The following LRMDA variants were observed in gnomAD, a reference collection of about 807,000 sequenced individuals.
LRMDA encodes the protein leucine-rich melanocyte differentiation-associated protein.
A neutral mutation model predicts 29.8 loss-of-function variants in LRMDA; 18 were observed. The observed-to-expected ratio is 0.60, with a 90% CI of 0.42 to 0.90. The LOEUF (loss-of-function observed/expected upper bound fraction) is 0.90, where lower values mean the gene tolerates loss of function less well. Among genes scored for constraint, LRMDA ranks in the 40% least tolerant of loss-of-function variants. LRMDA has a pLI of 0.00. For missense variants in LRMDA, 273 were observed against 273.9 expected (o/e 1.00, Z 0.02); for synonymous variants, 125 against 109.4 (o/e 1.14, Z -0.89).
chr10:75,923,142 A>G lies in LRMDA; in HGVS notation c.132-112866A>G, dbSNP rs192453336. Reference sequence around the variant, plus strand: ...CTACCTTTTACTTCCTTAGTACCTCATTACATCTTCCATAGTCACTGAATT... The same window carrying G: ...CTACCTTTTACTTCCTTAGTACCTCGTTACATCTTCCATAGTCACTGAATT... On this transcript the variant is annotated intron_variant, in intron 2 of 6. Coordinates refer to ENST00000611255, the MANE Select transcript of LRMDA (RefSeq NM_001305581.2). Among the ~76,000 whole-genome samples the G allele has an allele frequency of 8.1e-4, 124 of 152,254 alleles. 1 individual carries two copies. Among genetic ancestry groups the G allele is most frequent in the Non-Finnish European group, 1.6e-4 (11 of 68,028 alleles).
In LRMDA at chr10:76,213,942, G is replaced by A. The variant is rs529821597; in HGVS notation, c.517-110459G>A. Among the ~76,000 whole-genome samples, 136 of 151,266 alleles carry A rather than the reference G, an allele frequency of 9.0e-4. 1 individual carries two copies. Among genetic ancestry groups the A allele is most frequent in the African/African-American group, 3.0e-3 (120 of 40,590 alleles). On this transcript the variant is annotated intron_variant, in intron 5 of 6. Transcript: ENST00000611255. ...TAAAAATTAAAACTATAGCTAGGGG[G>A]AATTGCCTTTGGAGGTCATGCAATG...
Position 76,339,374 on chromosome 10 carries a change from C to T in LRMDA, c.601+14889C>T, listed in dbSNP as rs1451830346. 6.0e-5 allele frequency among the ~76,000 whole-genome samples: 9 copies of T among 150,926 alleles called. No individual in the cohort carries two copies. The East Asian group carries it at 1.8e-3, about 29-fold the overall frequency. ...TTATGAGGAAATAGTATACAGTATACTTTAAGAGTAAATGGAAGTGATAAC... is the reference window on the plus strand; with the variant it reads ...TTATGAGGAAATAGTATACAGTATATTTTAAGAGTAAATGGAAGTGATAAC... On this transcript the variant is annotated intron_variant, in intron 6 of 6. Transcript: ENST00000611255.
At chr10:75,766,458 T>A (rs1320044456) in intron 2 of LRMDA, among the ~76,000 whole-genome samples, 3 of 152,232 alleles carry the variant, frequency 2.0e-5, no homozygotes, top group Non-Finnish European at 4.4e-5. Context: ...ATTTCCCTCA[T>A]GGCTTATGCA....
chr10:76,435,415 C>A (rs565400302), intron 6 of LRMDA, among the ~76,000 whole-genome samples: 1 of 152,310 alleles, frequency 6.6e-6, no homozygotes, highest in East Asian at 1.9e-4. Flanking sequence ...TCATCTGAGG[C>A]CATGGCATGT....
intron 6 of LRMDA, among the ~76,000 whole-genome samples, chr10:76,533,953 A>G (rs115970683): frequency 0.013 from 2,023 of 152,274 alleles, 50 homozygotes; most frequent in African/African-American, 0.046. Context: ...TAGACAGATC[A>G]GACTTCTTGT....
chr10:75,692,219 A>AAAATATATATATATATAT (rs1353540469), intron 2 of LRMDA, among the ~76,000 whole-genome samples: 7 of 87,546 alleles, frequency 8.0e-5, no homozygotes, highest in African/African-American at 3.3e-4. Context: ...AAAAAAAAAA[A>AAAATATATATATATATAT]ATATATATAT....
chr10:75,605,232 G>C (rs1314084965), intron 2 of LRMDA, among the ~76,000 whole-genome samples: 1 of 152,176 alleles, frequency 6.6e-6, no homozygotes, highest in Non-Finnish European at 1.5e-5. Flanking sequence ...ATTATGAGTG[G>C]CTTCTTTATG....
chr10:75,489,247 A>AAC (rs5786175), intron 2 of LRMDA, among the ~76,000 whole-genome samples: 1 of 151,122 alleles, frequency 6.6e-6, no homozygotes, highest in Non-Finnish European at 1.5e-5. Context: ...AAAAAAAAAA[A>AAC]TTTCACTAGC....
intron 5 of LRMDA, among the ~76,000 whole-genome samples, chr10:76,193,214 C>T (rs747869460): frequency 6.6e-6 from 1 of 152,136 alleles, no homozygotes; most frequent in Non-Finnish European, 1.5e-5. Flanking sequence ...AGCGGGGAGC[C>T]AAGATGGAAA....
At chr10:75,971,022 G>C (rs1846958557) in intron 2 of LRMDA, among the ~76,000 whole-genome samples, 1 of 152,154 alleles carries the variant, frequency 6.6e-6, no homozygotes, top group Non-Finnish European at 1.5e-5. Flanking sequence ...TGACCAATGA[G>C]CCCTCCTCAG....
chr10:75,590,057 T>C (rs1840704160), intron 2 of LRMDA, among the ~76,000 whole-genome samples: 1 of 151,976 alleles, frequency 6.6e-6, no homozygotes, highest in African/African-American at 2.4e-5. Flanking sequence ...TCTCACTCTG[T>C]TGCCCAGGCT....
chr10:75,457,875 T>C (rs1844539022), intron 2 of LRMDA, among the ~76,000 whole-genome samples: 1 of 149,840 alleles, frequency 6.7e-6, no homozygotes, highest in African/African-American at 2.5e-5. Flanking sequence ...TCTAATGCAT[T>C]ACTGCCATTT....
chr10:75,651,338 A>G (rs1434024014), intron 2 of LRMDA, among the ~76,000 whole-genome samples: 2 of 152,092 alleles, frequency 1.3e-5, no homozygotes, highest in East Asian at 3.9e-4. Context: ...TGTGATTCTA[A>G]AGGGTTATGT....
chr10:76,361,183 C>G (rs1841306961), intron 6 of LRMDA, among the ~76,000 whole-genome samples: 1 of 151,962 alleles, frequency 6.6e-6, no homozygotes, highest in African/African-American at 2.4e-5. Flanking sequence ...GCTGCTTGAG[C>G]CTGGGAGGCG....
At chr10:75,824,926 A>G (rs1844223834) in intron 2 of LRMDA, among the ~76,000 whole-genome samples, 2 of 152,358 alleles carry the variant, frequency 1.3e-5, no homozygotes, top group South Asian at 4.1e-4. Flanking sequence ...CCCAATGAGC[A>G]GCCATAGTAC....
At chr10:75,644,762 T>C (rs1309136141) in intron 2 of LRMDA, among the ~76,000 whole-genome samples, 1 of 152,134 alleles carries the variant, frequency 6.6e-6, no homozygotes, top group East Asian at 1.9e-4. Context: ...GTTTATTAAA[T>C]ACGTGGCTAG....
chr10:76,045,462 G>C (rs1189579027), intron 3 of LRMDA, among the ~76,000 whole-genome samples: 1 of 149,798 alleles, frequency 6.7e-6, no homozygotes, highest in African/African-American at 2.5e-5. Context: ...CCTCTTGCTA[G>C]TTTCCCCCTC....
At chr10:76,188,935 T>TACACACACAC (rs3998129) in intron 5 of LRMDA, among the ~76,000 whole-genome samples, 1,996 of 141,688 alleles carry the variant, frequency 0.014, 51 homozygotes, top group African/African-American at 0.047. Context: ...TGATTGCATG[T>TACACACACAC]ACACACACAC....
chr10:75,545,970 T>C (rs1427981242), intron 2 of LRMDA, among the ~76,000 whole-genome samples: 1 of 152,196 alleles, frequency 6.6e-6, no homozygotes, highest in Non-Finnish European at 1.5e-5. Context: ...TCTGTTATGA[T>C]GGTTATCCAA....
Sources: gnomAD v4.1 joint callset for allele counts (sites outside exome capture counted in the v4.1 genomes callset) on GRCh38, gnomAD v4.1.1 for gene constraint, MANE v1.5 for transcripts, NCBI Gene and HGNC (gene_info 2026-07-23, HGNC 2026-07-21) for gene names.